Variants in WT1 observed in about 807,000 individuals in gnomAD.
WT1 encodes the protein WT1 transcription factor.
In WT1, 8 loss-of-function variants were observed where a neutral mutation model predicts 60.8. That is an observed-to-expected ratio of 0.13 (90% confidence interval 0.08 to 0.24). WT1 has a LOEUF of 0.24. WT1 is among the 10% of genes least tolerant of loss of function. The pLI is 1.00. For synonymous variants in WT1, 312 were observed against 297.1 expected, an observed-to-expected ratio of 1.05 and a Z score of -0.52; for missense variants, 568 against 711.8, an observed-to-expected ratio of 0.80 and a Z score of 2.30.
At chr11:32,415,509 G>T (rs1431001790) in intron 5 of WT1, among the ~76,000 whole-genome samples, 1 of 152,168 alleles carries the variant, frequency 6.6e-6, no homozygotes, top group Non-Finnish European at 1.5e-5. Context: ...TTAGCCGGGC[G>T]TGGTGGCACA....
At chr11:32,398,742 G>A (rs904514825) in intron 6 of WT1, among the ~76,000 whole-genome samples, 15 of 151,810 alleles carry the variant, frequency 9.9e-5, no homozygotes, top group Admixed American at 2.0e-4. Flanking sequence ...GTGTATTGCA[G>A]ATGAAATGAA....
chr11:32,428,669 C>T (rs1853154614), intron 1 of WT1, 50 bp from the exon 2 acceptor site: 2 of 1,590,740 alleles, frequency 1.3e-6, no homozygotes, highest in South Asian at 1.1e-5. Flanking sequence ...TCTCGCAAGA[C>T]GGGGCAGTGG....
At chr11:32,403,731 C>T (rs910278822) in intron 5 of WT1, among the ~76,000 whole-genome samples, 2 of 151,806 alleles carry the variant, frequency 1.3e-5, no homozygotes, top group African/African-American at 4.8e-5. Context: ...CCCGCCACCA[C>T]GCCCGGCTAA....
chr11:32,425,399 A>G (rs1853000203), intron 3 of WT1, among the ~76,000 whole-genome samples: 1 of 152,230 alleles, frequency 6.6e-6, no homozygotes, highest in South Asian at 2.1e-4. Flanking sequence ...TAGGGTGTTA[A>G]GCAATTAAAG....
intron 9 of WT1, among the ~76,000 whole-genome samples, chr11:32,391,428 C>T (rs1322868306): frequency 6.6e-6 from 1 of 152,204 alleles, no homozygotes; most frequent in African/African-American, 2.4e-5. Context: ...CAAAAACCTT[C>T]AGCAGCCAGT....
chr11:32,423,099 G>T (rs1398174673), intron 3 of WT1, among the ~76,000 whole-genome samples: 2 of 152,206 alleles, frequency 1.3e-5, no homozygotes, highest in Non-Finnish European at 2.9e-5. Flanking sequence ...CCAGCTAGCT[G>T]CCTTTTCTAG....
Position 32,428,502 on chromosome 11 carries a change from G to A in WT1, c.779C>T (p.Ser260Leu), listed in dbSNP as rs1444869026. The stretch of plus-strand genomic sequence containing the variant: ...ACTTGGTTCCGCTCGCTTACCCAGC[G>A]AGCCCTGCTGGCCCATGGGATCCTC... Residue 260 changes from serine (S) to leucine (L), a missense_variant, in exon 2 of 10, where the codon TCG (serine) becomes TTG (leucine). Coordinates refer to ENST00000452863, the MANE Select transcript of WT1 (RefSeq NM_024426.6). 1.7e-5 allele frequency: 28 copies of A among 1,613,976 alleles called. No homozygotes were observed. The highest frequency in any genetic ancestry group is 2.3e-5 in the Non-Finnish European group (27 of 1,180,050).
At chr11:32,401,231 C>A (rs1852145052) in intron 5 of WT1, among the ~76,000 whole-genome samples, 2 of 152,130 alleles carry the variant, frequency 1.3e-5, no homozygotes, top group Non-Finnish European at 2.9e-5. Flanking sequence ...AAATACCGTG[C>A]TAAGAAGCCA....
At chr11:32,391,019 C>T (rs1460087784) in intron 9 of WT1, among the ~76,000 whole-genome samples, 1 of 152,138 alleles carries the variant, frequency 6.6e-6, no homozygotes, top group Non-Finnish European at 1.5e-5. Flanking sequence ...TGCTCTGTTG[C>T]TTGGGTTGGA....
At chr11:32,392,892 C>G (rs1851858580) in intron 7 of WT1, 137 bp from the exon 8 acceptor site, 1 of 730,036 alleles carries the variant, frequency 1.4e-6, no homozygotes, top group Admixed American at 2.1e-5. Context: ...GTAGGATGAT[C>G]CCCAACTTGC....
At chr11:32,428,698 CGG>C (rs34924443) in intron 1 of WT1, 79 bp from the exon 2 acceptor site, 1 of 1,528,510 alleles carries the variant, frequency 6.5e-7, no homozygotes. Context: ...CAGCCACGGG[CGG>C]GGGGGGTGTG....
intron 5 of WT1, 66 bp downstream of exon 5, chr11:32,416,424 T>C (rs955590021): frequency 6.2e-7 from 1 of 1,605,618 alleles, no homozygotes; most frequent in Non-Finnish European, 8.5e-7. Context: ...AACTCCTGCA[T>C]TGCCCCAGGT....
chr11:32,410,059 C>A (rs764717722), intron 5 of WT1, among the ~76,000 whole-genome samples: 5 of 152,106 alleles, frequency 3.3e-5, no homozygotes, highest in Non-Finnish European at 7.4e-5. Flanking sequence ...GCCTCCCGAG[C>A]AGCTGGGATT....
At chr11:32,414,599 G>A (rs72909441) in intron 5 of WT1, among the ~76,000 whole-genome samples, 6,869 of 152,250 alleles carry the variant, frequency 0.045, 210 homozygotes, top group Non-Finnish European at 0.073. Flanking sequence ...TAGTCAGGGC[G>A]CAGCAGCTCA....
chr11:32,400,184 C>T, intron 5 of WT1, 140 bp from the exon 6 acceptor site: 1 of 1,000,886 alleles, frequency 1.0e-6, no homozygotes, highest in South Asian at 1.4e-5. Context: ...CTCCATGGGG[C>T]CACTTTAGAT....
intron 6 of WT1, among the ~76,000 whole-genome samples, chr11:32,399,177 GA>G (rs940847983): frequency 2.2e-4 from 30 of 138,926 alleles, no homozygotes; most frequent in South Asian, 7.4e-4. Context: ...AAAAGAAAAA[GA>G]AAAAAAAAAG....
At chr11:32,404,354 A>G (rs1852249094) in intron 5 of WT1, among the ~76,000 whole-genome samples, 1 of 151,790 alleles carries the variant, frequency 6.6e-6, no homozygotes, top group South Asian at 2.1e-4. Flanking sequence ...GAGACATAAG[A>G]TAATTGACCC....
At chr11:32,410,320 A>G (rs1359363973) in intron 5 of WT1, among the ~76,000 whole-genome samples, 1 of 152,180 alleles carries the variant, frequency 6.6e-6, no homozygotes, top group Non-Finnish European at 1.5e-5. Flanking sequence ...AAGCAGAACA[A>G]TTTAAAACAA....
At chr11:32,416,454 G>A (rs753193344) in intron 5 of WT1, 36 bp downstream of exon 5, 13 of 1,613,682 alleles carry the variant, frequency 8.1e-6, no homozygotes, top group East Asian at 4.5e-5. Flanking sequence ...CAAGGCCTAC[G>A]CCATTTGCTT....
Sources: gnomAD v4.1 joint callset for allele counts (sites outside exome capture counted in the v4.1 genomes callset) on GRCh38, gnomAD v4.1.1 for gene constraint, MANE v1.5 for transcripts, NCBI Gene and HGNC (gene_info 2026-07-23, HGNC 2026-07-21) for gene names.